Variants in ZCCHC7 observed in about 807,000 individuals in gnomAD.
The protein encoded by ZCCHC7 is zinc finger CCHC-type containing 7.
Under a neutral mutation model 52.0 loss-of-function variants are expected in ZCCHC7, and 35 were observed. The ratio of observed to expected loss-of-function variants is 0.67; its 90% CI spans 0.51 to 0.89. The LOEUF (loss-of-function observed/expected upper bound fraction) is 0.89. ZCCHC7 is among the 40% of genes least tolerant of loss of function. The pLI is 0.00. For synonymous variants in ZCCHC7, 217 were observed against 221.5 expected, an observed-to-expected ratio of 0.98 and a Z score of 0.18; for missense variants, 574 against 649.1, an observed-to-expected ratio of 0.88 and a Z score of 1.26.
At chr9:37,226,885 T>G (rs1825134269) in intron 2 of ZCCHC7, among the ~76,000 whole-genome samples, 1 of 151,936 alleles carries the variant, frequency 6.6e-6, no homozygotes. Context: ...AAAAATTAGC[T>G]GGGCTTGGGT....
chr9:37,265,974 C>A (rs1827087091), intron 2 of ZCCHC7, among the ~76,000 whole-genome samples: 1 of 152,160 alleles, frequency 6.6e-6, no homozygotes, highest in South Asian at 2.1e-4. Flanking sequence ...CTTCCTTCAT[C>A]CCCTCCCCAA....
intron 2 of ZCCHC7, among the ~76,000 whole-genome samples, chr9:37,266,748 C>T (rs2133473546): frequency 6.6e-6 from 1 of 152,172 alleles, no homozygotes; most frequent in East Asian, 1.9e-4. Flanking sequence ...GTGGTACACA[C>T]CTGTAATCTT....
Position 37,309,676 on chromosome 9 carries a change from C to G in ZCCHC7, c.951+3962C>G, listed in dbSNP as rs376729882. 1.1e-3 allele frequency among the ~76,000 whole-genome samples: 165 copies of G among 152,300 alleles called. 2 individuals carry two copies. The South Asian group carries it at 0.034, about 31-fold the overall frequency. On this transcript the variant is annotated intron_variant, in intron 5 of 8. Transcript: ENST00000336755. ...GGTGGCTCATGCCTGTTACCCAGCACTTTGGGAGGCCGAGGTAGGCAGATC... is the reference window on the plus strand; with the variant it reads ...GGTGGCTCATGCCTGTTACCCAGCAGTTTGGGAGGCCGAGGTAGGCAGATC...
At chr9:37,352,682 A>AT (rs34360630) in intron 7 of ZCCHC7, among the ~76,000 whole-genome samples, 7,260 of 136,690 alleles carry the variant, frequency 0.053, 593 homozygotes, top group African/African-American at 0.18. Flanking sequence ...ACACCTGGCT[A>AT]TTTTTTTTTT....
intron 2 of ZCCHC7, among the ~76,000 whole-genome samples, chr9:37,236,672 G>A (rs1825669550): frequency 6.6e-6 from 1 of 152,162 alleles, no homozygotes; most frequent in Non-Finnish European, 1.5e-5. Context: ...GGGATTGCAG[G>A]CGTGAGCCAC....
intron 2 of ZCCHC7, among the ~76,000 whole-genome samples, chr9:37,248,213 G>T (rs1237213135): frequency 1.3e-5 from 2 of 152,092 alleles, no homozygotes; most frequent in African/African-American, 2.4e-5. Context: ...AGTTCTCAGA[G>T]GAGGTAGTCA....
chr9:37,273,700 T>G (rs1325397270), intron 2 of ZCCHC7, among the ~76,000 whole-genome samples: 1 of 152,222 alleles, frequency 6.6e-6, no homozygotes, highest in Non-Finnish European at 1.5e-5. Context: ...TGCATTCATA[T>G]CTCACTATTT....
chr9:37,188,545 C>A, intron 2 of ZCCHC7, among the ~76,000 whole-genome samples: 1 of 82,006 alleles, frequency 1.2e-5, no homozygotes, highest in Admixed American at 1.2e-4. Flanking sequence ...TTATTACCCT[C>A]CCCCCTCACC....
At chr9:37,281,177 A>G (rs1343178099) in intron 2 of ZCCHC7, among the ~76,000 whole-genome samples, 3 of 152,136 alleles carry the variant, frequency 2.0e-5, no homozygotes, top group Non-Finnish European at 2.9e-5. Context: ...CACTATGGCC[A>G]GCTAATTTTT....
At chr9:37,220,237 T>G (rs541834071) in intron 2 of ZCCHC7, among the ~76,000 whole-genome samples, 4 of 152,250 alleles carry the variant, frequency 2.6e-5, no homozygotes, top group Admixed American at 2.6e-4. Context: ...AGATTGGTGG[T>G]CAGTCAAAAT....
chr9:37,251,332 A>C (rs1400503542), intron 2 of ZCCHC7, among the ~76,000 whole-genome samples: 1 of 152,188 alleles, frequency 6.6e-6, no homozygotes, highest in Non-Finnish European at 1.5e-5. Context: ...CTTGAAAGGT[A>C]TCTCTCCAAA....
chr9:37,241,924 C>T (rs1825889828), intron 2 of ZCCHC7, among the ~76,000 whole-genome samples: 1 of 151,750 alleles, frequency 6.6e-6, no homozygotes, highest in South Asian at 2.1e-4. Flanking sequence ...AGCTTAGGAT[C>T]ATTCAGAATA....
intron 2 of ZCCHC7, chr9:37,205,184 T>A (rs756208737): frequency 3.7e-5 from 14 of 377,674 alleles, no homozygotes; most frequent in South Asian, 1.5e-4. Flanking sequence ...CTGGTTTGTT[T>A]ACAACAATGC....
intron 2 of ZCCHC7, among the ~76,000 whole-genome samples, chr9:37,138,432 T>C (rs1477925293): frequency 6.6e-6 from 1 of 152,160 alleles, no homozygotes; most frequent in African/African-American, 2.4e-5. Context: ...ATCAGCAACA[T>C]AGGGAGGCAG....
intron 1 of ZCCHC7, chr9:37,121,600 G>A (rs1842318973): frequency 6.6e-6 from 1 of 152,178 alleles, no homozygotes; most frequent in Middle Eastern, 3.2e-3. Flanking sequence ...ATGCTTTCAG[G>A]AGAATCTGAG....
At chr9:37,327,554 C>T (rs1055850059) in intron 5 of ZCCHC7, 1 of 421,590 alleles carries the variant, frequency 2.4e-6, no homozygotes, top group African/African-American at 2.0e-5. Flanking sequence ...AAACTTGTAA[C>T]CTGAAAAGAA....
At chr9:37,249,602 C>T (rs1024577266) in intron 2 of ZCCHC7, among the ~76,000 whole-genome samples, 1 of 151,934 alleles carries the variant, frequency 6.6e-6, no homozygotes, top group African/African-American at 2.4e-5. Flanking sequence ...CGGGTGCGTG[C>T]CACCACACCC....
intron 2 of ZCCHC7, among the ~76,000 whole-genome samples, chr9:37,151,271 ATCTATTTCTTTTTTCCATTTGAAG>A (rs1820511931): frequency 6.6e-6 from 1 of 152,068 alleles, no homozygotes; most frequent in Non-Finnish European, 1.5e-5. Context: ...CGACCGATTT[ATCTATTTCTTTTTTCCATTTGAAG>A]TCAGAAAGAA....
rs190441365 is a variant in ZCCHC7, at chr9:37,142,938, G to A, written c.610+15996G>A. Reference sequence around the variant, plus strand: ...CTGTTAGCATGTTTTACTAGCAAATGTTCGTGGAAAATGTTATTAATTCTT... The same window carrying A: ...CTGTTAGCATGTTTTACTAGCAAATATTCGTGGAAAATGTTATTAATTCTT... On this transcript the variant is annotated intron_variant, in intron 2 of 8. Coordinates refer to ENST00000336755, the MANE Select transcript of ZCCHC7 (RefSeq NM_032226.3). Among the ~76,000 whole-genome samples, 7 of 151,932 alleles carry A rather than the reference G, an allele frequency of 4.6e-5. No individual in the cohort carries two copies. In the East Asian group the frequency reaches 1.3e-3, roughly 29 times the overall value.
Sources: allele counts gnomAD v4.1 joint callset (sites outside exome capture counted in the v4.1 genomes callset), GRCh38; gene constraint gnomAD v4.1.1; transcripts MANE v1.5; gene names NCBI Gene and HGNC (gene_info 2026-07-23, HGNC 2026-07-21).